Variants in WNT7B observed in about 807,000 individuals in gnomAD.
The protein encoded by WNT7B is Wnt family member 7B.
A neutral mutation model predicts 38.2 loss-of-function variants in WNT7B; 19 were observed. The observed-to-expected ratio is 0.50, with a 90% confidence interval of 0.35 to 0.73. WNT7B has a LOEUF of 0.73. Ranked by LOEUF, WNT7B falls within the 30% of genes least tolerant of loss-of-function variation. The pLI, the probability that WNT7B is intolerant of heterozygous loss-of-function variation, is 0.01. For synonymous variants in WNT7B, 243 were observed against 209.3 expected, an observed-to-expected ratio of 1.16 and a Z score of -1.39; for missense variants, 423 against 507.9, an observed-to-expected ratio of 0.83 and a Z score of 1.61.
intron 3 of WNT7B, chr22:45,927,032 C>T (rs1194247516): frequency 2.0e-6 from 2 of 985,328 alleles, no homozygotes; most frequent in African/African-American, 1.7e-5. Flanking sequence ...CTTCTAACCT[C>T]ATGTCACCAA....
chr22:45,972,116 G>GGGCCCCCCCCCCCCCCCCCCCCCCCCCC, intron 1 of WNT7B: 5 of 530,740 alleles, frequency 9.4e-6, no homozygotes, highest in Admixed American at 4.1e-5. Context: ...CCCGGGGGGA[G>GGGCCCCCCCCCCCCCCCCCCCCCCCCCC]CCCACCCGCC....
At chr22:45,925,685 GTGTCCC>G (rs1931061480) in intron 3 of WNT7B, 1 of 985,296 alleles carries the variant, frequency 1.0e-6, no homozygotes, top group South Asian at 4.7e-5. Flanking sequence ...AGGCCTGGAA[GTGTCCC>G]TGGCCCTGGC....
At chr22:45,927,187 C>A in intron 3 of WNT7B, 1 of 985,424 alleles carries the variant, frequency 1.0e-6, no homozygotes, top group South Asian at 4.7e-5. Flanking sequence ...GGACCATGTG[C>A]CAGGGGCAGA....
intron 3 of WNT7B, among the ~76,000 whole-genome samples, chr22:45,929,685 C>T (rs75769007): frequency 0.15 from 16,562 of 111,354 alleles, 1,087 homozygotes; most frequent in African/African-American, 0.2. Flanking sequence ...TCCCTCCATA[C>T]TTCCATCCAC....
intron 3 of WNT7B, among the ~76,000 whole-genome samples, chr22:45,928,987 C>CA (rs1569110597): frequency 8.5e-6 from 1 of 118,190 alleles, no homozygotes; most frequent in African/African-American, 3.5e-5. Context: ...GCTTAAGCCT[C>CA]CAGAGCCACT....
At chr22:45,952,081 A>G (rs1931946546) in intron 1 of WNT7B, among the ~76,000 whole-genome samples, 1 of 152,172 alleles carries the variant, frequency 6.6e-6, no homozygotes, top group South Asian at 2.1e-4. Flanking sequence ...CTTGGCTTCA[A>G]AACAACAGAT....
chr22:45,930,727 C>T (rs1463233847), intron 3 of WNT7B, among the ~76,000 whole-genome samples: 2 of 152,172 alleles, frequency 1.3e-5, no homozygotes, highest in Non-Finnish European at 2.9e-5. Context: ...CCTGGTGTGC[C>T]GAGGTGACCT....
intron 2 of WNT7B, among the ~76,000 whole-genome samples, chr22:45,937,923 C>T (rs754131469): frequency 1.3e-4 from 20 of 152,006 alleles, no homozygotes; most frequent in African/African-American, 3.4e-4. Flanking sequence ...GTAGGAGAAT[C>T]GCTTGAACCT....
intron 2 of WNT7B, among the ~76,000 whole-genome samples, chr22:45,949,222 A>T (rs1931869247): frequency 6.6e-6 from 1 of 152,216 alleles, no homozygotes; most frequent in Non-Finnish European, 1.5e-5. Flanking sequence ...CTGTGAGGAC[A>T]GGGAGGGGTT....
rs1219301839 is a variant in WNT7B, at chr22:45,951,088, G to C, written c.72-942C>G. 6.6e-6 allele frequency among the ~76,000 whole-genome samples: 1 copy of C among 152,100 alleles called. No individual in the cohort carries two copies. Among genetic ancestry groups the C allele is most frequent in the African/African-American group, 2.4e-5 (1 of 41,398 alleles). The stretch of plus-strand genomic sequence containing the variant: ...ATTTGTTCATTTGTTTGTTTGTTTT[G>C]AGACAGAGTTTCGGAGTCTCACTCT... On this transcript the variant is annotated intron_variant, in intron 1 of 3. Transcript: ENST00000339464. The surrounding 1 kb of genome is among the most constrained non-coding windows in gnomAD (Gnocchi z 4.8).
intron 2 of WNT7B, among the ~76,000 whole-genome samples, chr22:45,941,663 G>C (rs1931651613): frequency 6.6e-6 from 1 of 152,172 alleles, no homozygotes; most frequent in Admixed American, 6.5e-5. Flanking sequence ...CCCAGGGATG[G>C]CAGGAGAGAG....
chr22:45,957,223 G>T (rs1237228020), intron 1 of WNT7B, among the ~76,000 whole-genome samples: 2 of 151,920 alleles, frequency 1.3e-5, no homozygotes, highest in Non-Finnish European at 2.9e-5. Context: ...GAGCCTGCCT[G>T]TATGCCACAT....
intron 2 of WNT7B, among the ~76,000 whole-genome samples, chr22:45,940,407 G>A (rs1931616217): frequency 6.6e-6 from 1 of 151,982 alleles, no homozygotes; most frequent in African/African-American, 2.4e-5. Flanking sequence ...TCTGCCTTGT[G>A]CCTCACTGAC....
chr22:45,950,483 T>C (rs1292735469), intron 1 of WNT7B, among the ~76,000 whole-genome samples: 4 of 152,226 alleles, frequency 2.6e-5, no homozygotes, highest in African/African-American at 9.6e-5. Context: ...GACAGCATCA[T>C]GCTTGGGATG....
Position 45,922,609 on chromosome 22 carries a change from T to G in WNT7B, c.*247A>C. The G allele has an allele frequency of 1.7e-6, 1 of 583,572 alleles. No individual in the cohort carries two copies. The highest frequency in any genetic ancestry group is 3.3e-5 in the Admixed American group (1 of 30,452). The allele number at this position is 583,572 out of a possible 1,614,324, so 36.1% of individuals were successfully genotyped here. On this transcript the variant is annotated 3_prime_UTR_variant, in exon 4 of 4. Transcript: ENST00000339464. ...TCGGGGAGCACCAAGACCCCTGGCCTTGCTCTCTGGGTGGGTCACGGGTGC... is the reference window on the plus strand; with the variant it reads ...TCGGGGAGCACCAAGACCCCTGGCCGTGCTCTCTGGGTGGGTCACGGGTGC...
rs1375413874 is a variant in WNT7B, at chr22:45,976,288, G to C, written c.71+396C>G. 6.8e-6 allele frequency among the ~76,000 whole-genome samples: 1 copy of C among 148,068 alleles called. No homozygotes were observed. On this transcript the variant is annotated intron_variant, in intron 1 of 3. Coordinates refer to ENST00000339464, the MANE Select transcript of WNT7B (RefSeq NM_058238.3). The surrounding 1 kb of genome is among the most constrained non-coding windows in gnomAD (Gnocchi z 8.5). ...CAGGCGCCGGACGCCCCCCGACCCC[G>C]CCCCGGCGCACCCTCCAGGCGGCGA... is the stretch of plus-strand genomic sequence containing the variant.
chr22:45,972,115 A>AGGGGGGGGG, intron 1 of WNT7B: 3 of 356,306 alleles, frequency 8.4e-6, no homozygotes, highest in East Asian at 9.2e-5. Context: ...GCCCGGGGGG[A>AGGGGGGGGG]GCCCACCCGC....
intron 2 of WNT7B, among the ~76,000 whole-genome samples, chr22:45,932,374 A>T (rs1046185854): frequency 6.6e-6 from 1 of 151,812 alleles, no homozygotes; most frequent in Non-Finnish European, 1.5e-5. Flanking sequence ...GGACCTTCCA[A>T]GGCCCGGGTC....
chr22:45,977,086 C>A lies in WNT7B; in HGVS notation c.-332G>T. 3 of 921,438 alleles carry A rather than the reference C, an allele frequency of 3.3e-6. No homozygotes were observed. Among genetic ancestry groups the A allele is most frequent in the East Asian group, 2.4e-4 (2 of 8,502 alleles). The allele number at this position is 921,438 out of a possible 1,614,324, so 57.1% of individuals were successfully genotyped here. On this transcript the variant is annotated 5_prime_UTR_variant, in exon 1 of 4. Transcript: ENST00000339464. ...GGGTGCAGCCTGCACTAGGCGCAGCCGCCTGAGGCCGTGAGCGCCTCGCCG... is the reference window on the plus strand; with the variant it reads ...GGGTGCAGCCTGCACTAGGCGCAGCAGCCTGAGGCCGTGAGCGCCTCGCCG...
Sources: allele counts gnomAD v4.1 joint callset (sites outside exome capture counted in the v4.1 genomes callset), GRCh38; gene constraint gnomAD v4.1.1; non-coding constraint Gnocchi (gnomAD v3.1); transcripts MANE v1.5; gene names NCBI Gene and HGNC (gene_info 2026-07-23, HGNC 2026-07-21).